The following EPHB2 variants were observed in gnomAD, a reference collection of about 807,000 sequenced individuals.
EPHB2 encodes ephrin type-B receptor 2.
EPHB2 carries 18 observed loss-of-function variants against 96.4 expected under a neutral mutation model. The ratio of observed to expected loss-of-function variants is 0.19; its 90% confidence interval spans 0.13 to 0.28. The LOEUF (loss-of-function observed/expected upper bound fraction) is 0.28, where lower values mean the gene tolerates loss of function less well. Ranked by LOEUF, EPHB2 falls within the 10% of genes least tolerant of loss-of-function variation. EPHB2 has a pLI of 1.00. For missense variants in EPHB2, 989 were observed against 1,355.4 expected (o/e 0.73, Z 4.25); for synonymous variants, 506 against 534.1 (o/e 0.95, Z 0.72).
At chr1:22,815,899 T>C (rs1309175228) in intron 3 of EPHB2, among the ~76,000 whole-genome samples, 2 of 152,188 alleles carry the variant, frequency 1.3e-5, no homozygotes, top group African/African-American at 4.8e-5. Context: ...GGGCTCAGTC[T>C]ATGAAGCCAC....
chr1:22,732,071 A>G (rs148800271), intron 1 of EPHB2, among the ~76,000 whole-genome samples: 147 of 152,274 alleles, frequency 9.7e-4, no homozygotes, highest in African/African-American at 3.4e-3. Flanking sequence ...GGCCATACAG[A>G]CCATTTACAG....
At chr1:22,841,500 G>A (rs1408811191) in intron 3 of EPHB2, among the ~76,000 whole-genome samples, 1 of 152,152 alleles carries the variant, frequency 6.6e-6, no homozygotes, top group Non-Finnish European at 1.5e-5. Flanking sequence ...TATATCCCTG[G>A]ACAGAGACTT....
At chr1:22,814,342 G>T (rs888958408) in intron 3 of EPHB2, among the ~76,000 whole-genome samples, 1 of 152,186 alleles carries the variant, frequency 6.6e-6, no homozygotes, top group African/African-American at 2.4e-5. Context: ...AGAGGCCATT[G>T]CAGCTCAGGG....
At chr1:22,862,428 T>C (rs1379533334) in intron 3 of EPHB2, among the ~76,000 whole-genome samples, 2 of 152,124 alleles carry the variant, frequency 1.3e-5, no homozygotes, top group Non-Finnish European at 2.9e-5. Context: ...CCTGCAGAGA[T>C]GGGCCTTAGA....
At chr1:22,830,315 AG>A (rs1270273981) in intron 3 of EPHB2, among the ~76,000 whole-genome samples, 1 of 152,180 alleles carries the variant, frequency 6.6e-6, no homozygotes. Context: ...GATTCCTTCA[AG>A]TTCTTTGCAG....
intron 7 of EPHB2, 124 bp downstream of exon 7, chr1:22,893,170 C>A (rs1639448545): frequency 1.4e-6 from 2 of 1,413,310 alleles, no homozygotes; most frequent in Non-Finnish European, 9.9e-7. Context: ...TAGATGTCAG[C>A]CCTCCCTCCC....
At chr1:22,814,665 A>C (rs577261125) in intron 3 of EPHB2, among the ~76,000 whole-genome samples, 1 of 152,200 alleles carries the variant, frequency 6.6e-6, no homozygotes, top group Non-Finnish European at 1.5e-5. Context: ...CACAAAGCCA[A>C]CCGCAGCTGA....
intron 3 of EPHB2, among the ~76,000 whole-genome samples, chr1:22,849,500 C>G (rs1026560487): frequency 6.6e-6 from 1 of 152,188 alleles, no homozygotes; most frequent in Non-Finnish European, 1.5e-5. Context: ...GTGGAACAAC[C>G]GTTGCAGATT....
intron 2 of EPHB2, among the ~76,000 whole-genome samples, chr1:22,783,494 C>T (rs1211982405): frequency 2.6e-5 from 4 of 152,176 alleles, no homozygotes; most frequent in African/African-American, 7.2e-5. Flanking sequence ...AGATTGTTCC[C>T]GAAGGCCCTC....
intron 3 of EPHB2, among the ~76,000 whole-genome samples, chr1:22,811,820 T>C (rs2582027): frequency 1 from 151,742 of 152,342 alleles, 75,573 homozygotes; most frequent in Middle Eastern, 1. Flanking sequence ...AGGAGGATCG[T>C]GTGAGTCCCA....
At chr1:22,802,362 G>A in intron 3 of EPHB2, among the ~76,000 whole-genome samples, 1 of 152,086 alleles carries the variant, frequency 6.6e-6, no homozygotes, top group Non-Finnish European at 1.5e-5. Context: ...GCAGGGGTGG[G>A]TATTGACTCT....
chr1:22,802,779 A>G (rs1031561348), intron 3 of EPHB2, among the ~76,000 whole-genome samples: 20 of 152,154 alleles, frequency 1.3e-4, no homozygotes, highest in African/African-American at 4.8e-4. Flanking sequence ...AGTATCAGGT[A>G]GAATATGGTC....
intron 3 of EPHB2, 127 bp from the exon 4 acceptor site, chr1:22,862,910 T>C: frequency 7.9e-7 from 1 of 1,268,244 alleles, no homozygotes; most frequent in Non-Finnish European, 1.1e-6. Flanking sequence ...AGAGATGAGA[T>C]TTTCCAGCAG....
intron 7 of EPHB2, among the ~76,000 whole-genome samples, 158 bp downstream of exon 7, chr1:22,893,204 CA>C (rs893188114): frequency 9.2e-5 from 14 of 152,196 alleles, no homozygotes; most frequent in Non-Finnish European, 1.6e-4. Context: ...CCTTTGTGCA[CA>C]ACCATATATA....
At chr1:22,739,873 C>T (rs958655974) in intron 1 of EPHB2, among the ~76,000 whole-genome samples, 5 of 152,148 alleles carry the variant, frequency 3.3e-5, no homozygotes, top group South Asian at 4.1e-4. Flanking sequence ...CCTGACGCTG[C>T]GGAAAGTTGT....
At chr1:22,793,556 C>G (rs1231820577) in intron 3 of EPHB2, among the ~76,000 whole-genome samples, 1 of 152,116 alleles carries the variant, frequency 6.6e-6, no homozygotes, top group South Asian at 2.1e-4. Flanking sequence ...TATCCCCAGA[C>G]AAGGTGCAGC....
At chr1:22,884,756 C>T (rs1222690718) in intron 6 of EPHB2, among the ~76,000 whole-genome samples, 2 of 152,104 alleles carry the variant, frequency 1.3e-5, no homozygotes, top group Non-Finnish European at 2.9e-5. Flanking sequence ...CTCAACCTTC[C>T]AGATCTCAGC....
chr1:22,897,667 A>G (rs1481491578), intron 9 of EPHB2, among the ~76,000 whole-genome samples: 1 of 152,126 alleles, frequency 6.6e-6, no homozygotes, highest in African/African-American at 2.4e-5. Context: ...TGTGCCTGTA[A>G]TCCCAGCTAC....
rs191705581 is a variant in EPHB2 at position 22,817,232 on chromosome 1, C to G, written c.811+32156C>G. 1.3e-4 allele frequency among the ~76,000 whole-genome samples: 20 copies of G among 152,326 alleles called. No individual in the cohort carries two copies. The East Asian group carries it at 3.9e-3, about 29-fold the overall frequency. ...CACCTGTGGCATTATCATCATCATC[C>G]CAAGCAACATGATTAGACCATAAAC... On this transcript the variant is annotated intron_variant, in intron 3 of 15. Transcript: ENST00000374630.
Sources: gnomAD v4.1 joint callset for allele counts (sites outside exome capture counted in the v4.1 genomes callset) on GRCh38, gnomAD v4.1.1 for gene constraint, MANE v1.5 for transcripts, NCBI Gene and HGNC (gene_info 2026-07-23, HGNC 2026-07-21) for gene names.